SMNDC1: variants seen among roughly 807,000 people sequenced by gnomAD.
SMNDC1 encodes survival motor neuron domain containing 1.
Under a neutral mutation model 29.2 loss-of-function variants are expected in SMNDC1, and 5 were observed. The observed-to-expected ratio is 0.17, with a 90% CI of 0.09 to 0.36. SMNDC1 has a LOEUF of 0.36. SMNDC1 is among the 10% of genes least tolerant of loss of function. The pLI is 1.00. For missense variants in SMNDC1, 142 were observed against 268.5 expected (o/e 0.53, Z 3.29); for synonymous variants, 80 against 89.9 (o/e 0.89, Z 0.62).
chr10:110,303,027 A>G (rs544416995), intron 2 of SMNDC1, among the ~76,000 whole-genome samples: 76 of 149,182 alleles, frequency 5.1e-4, no homozygotes, highest in African/African-American at 1.8e-3. Flanking sequence ...AGCTTTGGGG[A>G]AAAAAAAAAG....
intron 1 of SMNDC1, chr10:110,304,109 T>A (rs1324965087): frequency 6.6e-6 from 1 of 152,454 alleles, no homozygotes. Context: ...TTTCGCCCAG[T>A]CGCTTAAATA....
rs1464356780 is a variant in SMNDC1, at chr10:110,298,510, G to A, written c.263+138C>T. The A allele has an allele frequency of 1.6e-5, 10 of 632,152 alleles. No homozygotes were observed. The East Asian group carries it at 2.8e-4, about 18-fold the overall frequency. The allele number at this position is 632,152 out of a possible 1,614,324, so 39.2% of individuals were successfully genotyped here. A position where few individuals can be genotyped will look rare whatever the true frequency, so the allele number is the denominator to read the frequency against. Reference sequence around the variant, plus strand: ...AACTGTATTAATGGCAACCACCCAAGAATCAAATTGGCTCTATAAATCATA... The same window carrying A: ...AACTGTATTAATGGCAACCACCCAAAAATCAAATTGGCTCTATAAATCATA... On this transcript the variant is annotated intron_variant, in intron 3 of 5. Coordinates refer to ENST00000369603, the MANE Select transcript of SMNDC1 (RefSeq NM_005871.4).
intron 2 of SMNDC1, among the ~76,000 whole-genome samples, chr10:110,300,215 C>A (rs1857625451): frequency 6.6e-6 from 1 of 152,206 alleles, no homozygotes; most frequent in Non-Finnish European, 1.5e-5. Flanking sequence ...GACATGAATT[C>A]TGCACTTGTA....
At chr10:110,294,577 G>A (rs566669068) in intron 5 of SMNDC1, among the ~76,000 whole-genome samples, 57 of 152,272 alleles carry the variant, frequency 3.7e-4, no homozygotes, top group African/African-American at 1.3e-3. Context: ...CTTCAGCTGT[G>A]AGCTAGCCAT....
intron 3 of SMNDC1, 71 bp from the exon 4 acceptor site, chr10:110,297,799 G>A: frequency 7.6e-7 from 1 of 1,309,158 alleles, no homozygotes; most frequent in Non-Finnish European, 1.0e-6. Flanking sequence ...TTATACTGTA[G>A]TGATAAAATT....
Position 110,294,303 on chromosome 10 carries a change from C to G in SMNDC1, c.580-16G>C, listed in dbSNP as rs376675560. The stretch of plus-strand genomic sequence containing the variant: ...TCCTCTTTACCTAAGGGAAAGAAAA[C>G]AGAAATCATTCCTGATTAGTGTTGG... On this transcript the variant is annotated splice_polypyrimidine_tract_variant and intron_variant, in intron 5 of 5. Coordinates refer to ENST00000369603, the MANE Select transcript of SMNDC1 (RefSeq NM_005871.4). The G allele has an allele frequency of 6.4e-7, 1 of 1,561,738 alleles. No homozygotes were observed.
chr10:110,303,612 C>T (rs201056347), intron 1 of SMNDC1, 25 bp from the exon 2 acceptor site: 3 of 1,544,986 alleles, frequency 1.9e-6, no homozygotes, highest in Admixed American at 4.7e-5. Context: ...AAGGGTTAGA[C>T]CATGAAAACT....
intron 5 of SMNDC1, among the ~76,000 whole-genome samples, chr10:110,294,807 A>G (rs1389309743): frequency 2.6e-5 from 4 of 152,228 alleles, no homozygotes; most frequent in South Asian, 2.1e-4. Flanking sequence ...TCAACTTCCT[A>G]TATGAATGCT....
intron 2 of SMNDC1, among the ~76,000 whole-genome samples, chr10:110,302,983 T>C (rs573808611): frequency 6.6e-6 from 1 of 152,322 alleles, no homozygotes; most frequent in East Asian, 1.9e-4. Flanking sequence ...TAGGCATTTT[T>C]GTGGTGTGTT....
At chr10:110,295,436 T>C in intron 4 of SMNDC1, 55 bp from the exon 5 acceptor site, 1 of 1,450,466 alleles carries the variant, frequency 6.9e-7, no homozygotes, top group East Asian at 2.4e-5. Context: ...CAAGAATGAC[T>C]TCCTTGAAGA....
chr10:110,295,471 T>C (rs1357327873), intron 4 of SMNDC1, 90 bp from the exon 5 acceptor site: 1 of 901,780 alleles, frequency 1.1e-6, no homozygotes, highest in Non-Finnish European at 1.6e-6. Context: ...AAAAAAAATC[T>C]AATAAACATA....
rs988428632 is a variant in SMNDC1 at position 110,291,062 on chromosome 10, C to T, written c.*3088G>A. On this transcript the variant is annotated 3_prime_UTR_variant, in exon 6 of 6. Transcript: ENST00000369603. ...ATTTTTTAAAAAAAATGTGTTGCTA[C>T]AGTAACTGATGCATCTTGTTTTGGT... is the stretch of plus-strand genomic sequence containing the variant. 6.6e-6 allele frequency: 1 copy of T among 152,182 alleles called. No homozygotes were observed. The highest frequency in any genetic ancestry group is 3.2e-3 in the Middle Eastern group (1 of 316). 9.4% of individuals were successfully genotyped at this position (152,182 alleles called of 1,614,324 possible).
intron 1 of SMNDC1, chr10:110,304,240 T>C (rs1407355797): frequency 1.3e-5 from 2 of 152,248 alleles, no homozygotes; most frequent in Non-Finnish European, 2.9e-5. Context: ...AAGATACCAA[T>C]TAACCTTTTT....
In SMNDC1 at chr10:110,295,933, C is replaced by T. The variant is rs116671602; in HGVS notation, c.426-552G>A. ...TTGGGATTACAGGCTTGAGCCACTG[C>T]GCCCAGCCTTAATTATGACTTTCTA... On this transcript the variant is annotated intron_variant, in intron 4 of 5. Coordinates refer to ENST00000369603, the MANE Select transcript of SMNDC1 (RefSeq NM_005871.4). Among the ~76,000 whole-genome samples, 985 of 152,282 alleles carry T rather than the reference C, an allele frequency of 6.5e-3. 15 individuals are homozygous for T. Among genetic ancestry groups the T allele is most frequent in the African/African-American group, 0.023 (940 of 41,554 alleles).
chr10:110,298,917 T>C, intron 2 of SMNDC1, 127 bp from the exon 3 acceptor site: 1 of 659,056 alleles, frequency 1.5e-6, no homozygotes, highest in East Asian at 2.8e-5. Flanking sequence ...CTCATAACAC[T>C]ATTAAGCAAG....
chr10:110,303,593 G>GAA lies in SMNDC1; in HGVS notation c.1-8_1-7dup. ...TTTGCTAAATCCTCTGACATCTAGGGAAAATAAAAAGGGTTAGACCATGAA... is the reference window on the plus strand; with the variant it reads ...TTTGCTAAATCCTCTGACATCTAGGGAAAAAATAAAAAGGGTTAGACCATGAA... On this transcript the variant is annotated splice_polypyrimidine_tract_variant and splice_region_variant and intron_variant, in intron 1 of 5. Coordinates refer to ENST00000369603, the MANE Select transcript of SMNDC1 (RefSeq NM_005871.4). 6.3e-7 allele frequency: 1 copy of GAA among 1,575,896 alleles called. No homozygotes were observed. The highest frequency in any genetic ancestry group is 2.4e-5 in the East Asian group (1 of 42,508).
rs1857690654 is a variant in SMNDC1, at chr10:110,303,602, A to C, written c.1-15T>G. 6.3e-7 allele frequency: 1 copy of C among 1,575,654 alleles called. No individual in the cohort carries two copies. Among genetic ancestry groups the C allele is most frequent in the Admixed American group, 2.0e-5 (1 of 50,360 alleles). ...TCCTCTGACATCTAGGGAAAATAAA[A>C]AGGGTTAGACCATGAAAACTAAACC... is the stretch of plus-strand genomic sequence containing the variant. On this transcript the variant is annotated splice_polypyrimidine_tract_variant and intron_variant, in intron 1 of 5. Transcript: ENST00000369603.
intron 2 of SMNDC1, among the ~76,000 whole-genome samples, chr10:110,301,713 G>A (rs1201982169): frequency 2.6e-5 from 4 of 152,182 alleles, no homozygotes; most frequent in African/African-American, 9.7e-5. Flanking sequence ...CTACTGGACA[G>A]TGCTGTTTTA....
rs1857511652 is a variant in SMNDC1, at chr10:110,292,653, T to A, written c.*1497A>T. Reference sequence around the variant, plus strand: ...AGTTTGTGCCTTTCTGTCCTTTGTGTCCTACCCTGTGGCCACGAATTATAT... The same window carrying A: ...AGTTTGTGCCTTTCTGTCCTTTGTGACCTACCCTGTGGCCACGAATTATAT... On this transcript the variant is annotated 3_prime_UTR_variant, in exon 6 of 6. Coordinates refer to ENST00000369603, the MANE Select transcript of SMNDC1 (RefSeq NM_005871.4). 1 of 152,140 alleles carries A rather than the reference T, an allele frequency of 6.6e-6. No homozygotes were observed. Among genetic ancestry groups the A allele is most frequent in the African/African-American group, 2.4e-5 (1 of 41,418 alleles). 9.4% of individuals were successfully genotyped at this position (152,140 alleles called of 1,614,324 possible).
Sources: allele counts gnomAD v4.1 joint callset (sites outside exome capture counted in the v4.1 genomes callset), GRCh38; gene constraint gnomAD v4.1.1; transcripts MANE v1.5; gene names NCBI Gene and HGNC (gene_info 2026-07-23, HGNC 2026-07-21).